TAF1B: variants seen among roughly 807,000 people sequenced by gnomAD.
TAF1B encodes TATA box-binding protein-associated factor RNA polymerase I subunit B.
Under a neutral mutation model 83.9 loss-of-function variants are expected in TAF1B, and 61 were observed. The ratio of observed to expected loss-of-function variants is 0.73; its 90% confidence interval spans 0.59 to 0.90. The LOEUF (loss-of-function observed/expected upper bound fraction) is 0.90. Among genes scored for constraint, TAF1B ranks in the 40% least tolerant of loss-of-function variants. The pLI, the probability that TAF1B is intolerant of heterozygous loss-of-function variation, is 0.00. For missense variants in TAF1B, 625 were observed against 677.0 expected, an observed-to-expected ratio of 0.92 and a Z score of 0.85; for synonymous variants, 221 against 224.6, an observed-to-expected ratio of 0.98 and a Z score of 0.14.
chr2:9,871,866 T>C (rs1415872602), intron 6 of TAF1B, among the ~76,000 whole-genome samples: 1 of 152,188 alleles, frequency 6.6e-6, no homozygotes, highest in Non-Finnish European at 1.5e-5. Context: ...GGGATTGTTT[T>C]AGTATTCAGT....
At chr2:9,844,721 C>T (rs985830173) in intron 1 of TAF1B, among the ~76,000 whole-genome samples, 49 of 151,438 alleles carry the variant, frequency 3.2e-4, no homozygotes, top group African/African-American at 1.1e-3. Flanking sequence ...CTGTTTTGCT[C>T]ACCATTGAAT....
At position 9,929,340 on chromosome 2, in the gene TAF1B, A is replaced by G. The variant is rs1439054682; in HGVS notation, c.1566-4443A>G. On this transcript the variant is annotated intron_variant, in intron 14 of 14. Coordinates refer to ENST00000263663, the MANE Select transcript of TAF1B (RefSeq NM_005680.3). ...CACCTGGCTAAGTTTTTGTATTTTT[A>G]GTAAAGACGGGGTTTCACCGTGTTA... Among the ~76,000 whole-genome samples, 4 of 152,220 alleles carry G rather than the reference A, an allele frequency of 2.6e-5. No individual in the cohort carries two copies. The East Asian group carries it at 7.7e-4, about 29-fold the overall frequency.
chr2:9,932,583 C>T (rs768319559), intron 14 of TAF1B, among the ~76,000 whole-genome samples: 7 of 152,022 alleles, frequency 4.6e-5, no homozygotes, highest in East Asian at 1.9e-4. Flanking sequence ...AGGTGTCAGT[C>T]GGCCCTTACT....
chr2:9,929,405 A>G (rs1666144490), intron 14 of TAF1B, among the ~76,000 whole-genome samples: 1 of 152,060 alleles, frequency 6.6e-6, no homozygotes, highest in Non-Finnish European at 1.5e-5. Context: ...TGATCCACCC[A>G]CGTCAGCCTC....
chr2:9,868,604 G>A (rs1664069755), intron 6 of TAF1B, 175 bp downstream of exon 6: 2 of 1,009,988 alleles, frequency 2.0e-6, no homozygotes, highest in Admixed American at 4.0e-5. Flanking sequence ...TGAAATCTTA[G>A]CGCAATTTTT....
chr2:9,916,910 G>A (rs942719002), intron 12 of TAF1B, among the ~76,000 whole-genome samples: 1 of 139,588 alleles, frequency 7.2e-6, no homozygotes, highest in Non-Finnish European at 1.5e-5. Flanking sequence ...GCAATGACAC[G>A]ATCTCGGCCC....
intron 8 of TAF1B, among the ~76,000 whole-genome samples, chr2:9,902,592 T>A (rs1176072382): frequency 6.6e-6 from 1 of 152,248 alleles, no homozygotes; most frequent in Non-Finnish European, 1.5e-5. Context: ...TACTGAACAC[T>A]GTTCTATTGT....
chr2:9,907,133 C>T (rs1665369210), intron 9 of TAF1B, among the ~76,000 whole-genome samples: 2 of 151,372 alleles, frequency 1.3e-5, no homozygotes, highest in South Asian at 2.1e-4. Context: ...AGCCATCTTC[C>T]TGCCTTGACT....
intron 8 of TAF1B, among the ~76,000 whole-genome samples, chr2:9,895,427 G>A (rs1664987989): frequency 6.6e-6 from 1 of 152,142 alleles, no homozygotes; most frequent in Non-Finnish European, 1.5e-5. Flanking sequence ...CCTGAGCCCA[G>A]AAAGTGGAAG....
chr2:9,894,262 C>A (rs1327415701), intron 8 of TAF1B, among the ~76,000 whole-genome samples: 1 of 152,056 alleles, frequency 6.6e-6, no homozygotes, highest in South Asian at 2.1e-4. Flanking sequence ...CAGAAAAATT[C>A]AAATTGATCT....
chr2:9,907,636 A>G lies in TAF1B; in HGVS notation c.955+2630A>G, dbSNP rs565807941. Among the ~76,000 whole-genome samples the G allele has an allele frequency of 8.5e-5, 13 of 152,112 alleles. No homozygotes were observed. The East Asian group carries it at 2.1e-3, about 25-fold the overall frequency. On this transcript the variant is annotated intron_variant, in intron 9 of 14. Transcript: ENST00000263663. ...TCAGATGCACTCTCCACCCTCTACT[A>G]TGGTTCCTCCCATTGTCACCCACGA...
chr2:9,870,192 A>C (rs943703702), intron 6 of TAF1B, among the ~76,000 whole-genome samples: 3 of 152,196 alleles, frequency 2.0e-5, no homozygotes, highest in African/African-American at 7.2e-5. Context: ...AATTGTTTTA[A>C]GTTGTAGTCC....
chr2:9,851,939 G>T (rs79591782), intron 4 of TAF1B: 24 of 524,584 alleles, frequency 4.6e-5, no homozygotes, highest in Non-Finnish European at 8.4e-5. Context: ...AGTACCTTTT[G>T]TGTGTTAATG....
chr2:9,891,970 A>T (rs1664886144), intron 8 of TAF1B, among the ~76,000 whole-genome samples: 1 of 152,238 alleles, frequency 6.6e-6, no homozygotes, highest in Non-Finnish European at 1.5e-5. Context: ...AATTTTGTGT[A>T]GCCTAAGTGT....
At chr2:9,857,602 A>G (rs1263113537) in intron 5 of TAF1B, among the ~76,000 whole-genome samples, 3 of 152,192 alleles carry the variant, frequency 2.0e-5, no homozygotes, top group Non-Finnish European at 2.9e-5. Flanking sequence ...ACTACCTGAG[A>G]CAGGGCAATT....
chr2:9,918,082 A>AG (rs1412124232), intron 12 of TAF1B, among the ~76,000 whole-genome samples: 1 of 151,676 alleles, frequency 6.6e-6, no homozygotes, highest in Non-Finnish European at 1.5e-5. Context: ...AAAAAAAAAA[A>AG]AAGAAAATGG....
In TAF1B at chr2:9,919,830, C is replaced by CT. The variant is rs1255172212; in HGVS notation, c.1565+14dup. The stretch of plus-strand genomic sequence containing the variant: ...AGAAATTCTGCAGATGGTAATAATG[C>CT]TTTTAGAAAAAGTCACATATAATTG... On this transcript the variant is annotated intron_variant, in intron 14 of 14. Transcript: ENST00000263663. 1 of 1,607,870 alleles carries CT rather than the reference C, an allele frequency of 6.2e-7. No homozygotes were observed. Among genetic ancestry groups the CT allele is most frequent in the African/African-American group, 1.3e-5 (1 of 74,652 alleles).
intron 7 of TAF1B, among the ~76,000 whole-genome samples, chr2:9,881,939 G>A (rs1664520214): frequency 6.6e-6 from 1 of 152,074 alleles, no homozygotes; most frequent in African/African-American, 2.4e-5. Context: ...GAGACAGAAG[G>A]GTAGACAAGG....
At chr2:9,888,296 C>T (rs1221503844) in intron 8 of TAF1B, among the ~76,000 whole-genome samples, 1 of 147,450 alleles carries the variant, frequency 6.8e-6, no homozygotes, top group African/African-American at 2.4e-5. Context: ...TTCACTTCTA[C>T]CTTAATGCAT....
Sources: allele counts gnomAD v4.1 joint callset (sites outside exome capture counted in the v4.1 genomes callset), GRCh38; gene constraint gnomAD v4.1.1; transcripts MANE v1.5; gene names NCBI Gene and HGNC (gene_info 2026-07-23, HGNC 2026-07-21).